The following UNC13B variants were observed in gnomAD, a reference collection of about 807,000 sequenced individuals.
UNC13B encodes unc-13 homolog B.
A neutral mutation model predicts 211.0 loss-of-function variants in UNC13B; 144 were observed. The observed-to-expected ratio is 0.68, with a 90% CI of 0.60 to 0.78. UNC13B has a LOEUF of 0.78. Ranked by LOEUF, UNC13B falls within the 30% of genes least tolerant of loss-of-function variation. The pLI is 0.00. For synonymous variants in UNC13B, 709 were observed against 725.8 expected (o/e 0.98, Z 0.37); for missense variants, 1,777 against 2,002.0 (o/e 0.89, Z 2.14).
rs1041045479 is a variant in UNC13B, at chr9:35,352,160, G to A, written c.9415-14787G>A. Reference sequence around the variant, plus strand: ...GGGTGAAAAGGCCCAGGAACCCCACGTGGACAGACCCAGTGAGGAAGCCAT... The same window carrying A: ...GGGTGAAAAGGCCCAGGAACCCCACATGGACAGACCCAGTGAGGAAGCCAT... On this transcript the variant is annotated intron_variant, in intron 11 of 39. Coordinates refer to ENST00000635942, the MANE Select transcript of UNC13B (RefSeq NM_001371189.2). 71 of 1,232,138 alleles carry A rather than the reference G, an allele frequency of 5.8e-5. 1 individual carries two copies. In the Admixed American group the frequency reaches 1.6e-3, roughly 29 times the overall value. The allele number at this position is 1,232,138 out of a possible 1,614,324, so 76.3% of individuals were successfully genotyped here. A position where few individuals can be genotyped will look rare whatever the true frequency, so the allele number is the denominator to read the frequency against.
intron 11 of UNC13B, among the ~76,000 whole-genome samples, chr9:35,343,602 T>C (rs1307257918): frequency 6.6e-6 from 1 of 152,186 alleles, no homozygotes; most frequent in Non-Finnish European, 1.5e-5. Flanking sequence ...ATGGGCTGCT[T>C]CCAGCCAGGA....
intron 11 of UNC13B, among the ~76,000 whole-genome samples, chr9:35,332,096 C>CT (rs944114943): frequency 6.6e-5 from 10 of 152,110 alleles, no homozygotes; most frequent in African/African-American, 2.4e-4. Context: ...ATTCTCCTGC[C>CT]TTAGCCTCCC....
In UNC13B at chr9:35,189,061, A is replaced by G. The variant is rs190419466; in HGVS notation, c.22+26756A>G. ...ATTGTTTGCAAGATTAATTTTTACA[A>G]TCTTTCTGTAACTTGCTTAAACCTC... is the stretch of plus-strand genomic sequence containing the variant. On this transcript the variant is annotated intron_variant, in intron 1 of 39. Coordinates refer to ENST00000635942, the MANE Select transcript of UNC13B (RefSeq NM_001371189.2). Among the ~76,000 whole-genome samples, 8 of 152,316 alleles carry G rather than the reference A, an allele frequency of 5.3e-5. 1 individual carries two copies. Among genetic ancestry groups the G allele is most frequent in the Admixed American group, 3.9e-4 (6 of 15,300 alleles).
At chr9:35,357,064 A>G (rs1421061503) in intron 11 of UNC13B, among the ~76,000 whole-genome samples, 2 of 152,146 alleles carry the variant, frequency 1.3e-5, no homozygotes, top group African/African-American at 2.4e-5. Flanking sequence ...AAGTTTTTCT[A>G]TGGAACTATA....
rs1158693998 is a variant in UNC13B at position 35,303,420 on chromosome 9, A to G, written c.4016A>G (p.Asn1339Ser). The G allele has an allele frequency of 2.5e-6, 1 of 398,658 alleles. No homozygotes were observed. Among genetic ancestry groups the G allele is most frequent in the African/African-American group, 2.1e-5 (1 of 48,618 alleles). 24.7% of individuals were successfully genotyped at this position (398,658 alleles called of 1,614,324 possible). A position where few individuals can be genotyped will look rare whatever the true frequency, so the allele number is the denominator to read the frequency against. ...NSPVLNTNIL[N>S]KSNNYQAFEE... ...CCTGTACTAAATACCAACATTCTCA[A>G]TAAATCAAACAACTATCAGGCTTTT... Residue 1339 changes from asparagine to serine, a missense_variant, in exon 9 of 40, where the codon AAT (asparagine) becomes AGT (serine). Physicochemically the swap from Asn to Ser is conservative, Grantham distance 46. Transcript: ENST00000635942.
rs1361121257 is a variant in UNC13B, at chr9:35,261,449, C to CT, written c.526+2406dup. Among the ~76,000 whole-genome samples, 4 of 151,720 alleles carry CT rather than the reference C, an allele frequency of 2.6e-5. No homozygotes were observed. In the East Asian group the frequency reaches 7.7e-4, roughly 29 times the overall value. ...ATTGTCCCCAAAAATATTTTGAAAG[C>CT]TTTTTTTATATTTTAAAAAATTTTA... On this transcript the variant is annotated intron_variant, in intron 7 of 39. Coordinates refer to ENST00000635942, the MANE Select transcript of UNC13B (RefSeq NM_001371189.2).
At chr9:35,218,571 A>C (rs1279377648) in intron 1 of UNC13B, among the ~76,000 whole-genome samples, 2 of 151,400 alleles carry the variant, frequency 1.3e-5, no homozygotes, top group Admixed American at 6.6e-5. Context: ...TAATTAATTA[A>C]TTTTTTGTAG....
intron 1 of UNC13B, among the ~76,000 whole-genome samples, chr9:35,186,154 A>G (rs942029479): frequency 6.6e-6 from 1 of 151,804 alleles, no homozygotes; most frequent in African/African-American, 2.4e-5. Flanking sequence ...CTGACAAAAC[A>G]TGACTCTTCA....
At chr9:35,238,088 T>C (rs1825613220) in intron 5 of UNC13B, among the ~76,000 whole-genome samples, 1 of 152,214 alleles carries the variant, frequency 6.6e-6, no homozygotes. Context: ...TAATGACTTA[T>C]GAAATATTTG....
intron 1 of UNC13B, among the ~76,000 whole-genome samples, chr9:35,211,314 A>G (rs943873449): frequency 1.3e-4 from 20 of 152,156 alleles, no homozygotes; most frequent in African/African-American, 4.8e-4. Context: ...ACTTTTGAAA[A>G]TGTAAGTGGT....
intron 1 of UNC13B, among the ~76,000 whole-genome samples, chr9:35,197,975 G>A (rs1475431858): frequency 1.3e-5 from 2 of 152,102 alleles, no homozygotes; most frequent in Non-Finnish European, 2.9e-5. Context: ...CGAACCATTA[G>A]GAGATATATA....
chr9:35,204,105 C>T lies in UNC13B; in HGVS notation c.23-23910C>T, dbSNP rs376639501. On this transcript the variant is annotated intron_variant, in intron 1 of 39. Coordinates refer to ENST00000635942, the MANE Select transcript of UNC13B (RefSeq NM_001371189.2). Reference sequence around the variant, plus strand: ...TAGCACCAGCTGGGCTCAGAAGGGCCCAGGTATAGCTTGGGCTGCTGCTTC... The same window carrying T: ...TAGCACCAGCTGGGCTCAGAAGGGCTCAGGTATAGCTTGGGCTGCTGCTTC... 1.6e-4 allele frequency among the ~76,000 whole-genome samples: 24 copies of T among 152,332 alleles called. No homozygotes were observed. In the East Asian group the frequency reaches 3.3e-3, roughly 21 times the overall value.
chr9:35,370,473 T>A, intron 13 of UNC13B, 77 bp downstream of exon 13: 1 of 1,389,804 alleles, frequency 7.2e-7, no homozygotes, highest in Non-Finnish European at 1.0e-6. Flanking sequence ...GCTGTCAGGA[T>A]TGGAAGTCGT....
chr9:35,293,034 AG>A (rs1175789179), intron 7 of UNC13B, among the ~76,000 whole-genome samples: 2 of 152,206 alleles, frequency 1.3e-5, no homozygotes, highest in Non-Finnish European at 2.9e-5. Context: ...GCTTGGTGCC[AG>A]GAGGTTTACT....
intron 10 of UNC13B, among the ~76,000 whole-genome samples, chr9:35,313,656 AT>A (rs1403028373): frequency 2.7e-4 from 41 of 151,130 alleles, no homozygotes; most frequent in Admixed American, 1.5e-3. Flanking sequence ...AAATAAATAA[AT>A]AAATAAATAA....
chr9:35,396,857 G>C lies in UNC13B; in HGVS notation c.11452G>C (p.Val3818Leu). 6.2e-7 allele frequency: 1 copy of C among 1,614,186 alleles called. No individual in the cohort carries two copies. Among genetic ancestry groups the C allele is most frequent in the Non-Finnish European group, 8.5e-7 (1 of 1,180,040 alleles). ...TGGCTGCAGGTGGTTTGAGCAGTTC[G>C]TGCTACAATGGCTGGATGAGAATGA... ...PEYPAWFEQF[V>L]LQWLDENEDV... Residue 3818 changes from valine (V) to leucine (L), a missense_variant, in exon 28 of 40, where the codon GTG (valine) becomes CTG (leucine). Coordinates refer to ENST00000635942, the MANE Select transcript of UNC13B (RefSeq NM_001371189.2).
rs767476787 is a variant in UNC13B, at chr9:35,376,098, T to C, written c.9686T>C (p.Phe3229Ser). 2 of 1,614,182 alleles carry C rather than the reference T, an allele frequency of 1.2e-6. No homozygotes were observed. The highest frequency in any genetic ancestry group is 1.7e-6 in the Non-Finnish European group (2 of 1,180,022). Residue 3229 changes from phenylalanine to serine, a missense_variant, in exon 15 of 40, where the codon TTT (phenylalanine) becomes TCT (serine). Physicochemically the swap from Phe to Ser is radical, Grantham distance 155. Coordinates refer to ENST00000635942, the MANE Select transcript of UNC13B (RefSeq NM_001371189.2). ...YPISCTTPHN[F>S]EVWTATTPTY... ...ATTTCGTGCACCACTCCTCATAACT[T>C]TGAGGTCTGGACGGCCACTACCCCA...
At chr9:35,201,001 A>G (rs1008983684) in intron 1 of UNC13B, among the ~76,000 whole-genome samples, 15 of 152,180 alleles carry the variant, frequency 9.9e-5, no homozygotes, top group Non-Finnish European at 1.8e-4. Context: ...TTATTTTGAG[A>G]TATGTCCCAT....
intron 7 of UNC13B, among the ~76,000 whole-genome samples, chr9:35,269,164 C>G (rs1269855366): frequency 6.6e-6 from 1 of 152,178 alleles, no homozygotes; most frequent in Non-Finnish European, 1.5e-5. Context: ...CAGGTTACTG[C>G]CTGAACTTCT....
Sources: allele counts gnomAD v4.1 joint callset (sites outside exome capture counted in the v4.1 genomes callset), GRCh38; gene constraint gnomAD v4.1.1; transcripts MANE v1.5; gene names NCBI Gene and HGNC (gene_info 2026-07-23, HGNC 2026-07-21).